CDH12: variants seen among roughly 807,000 people sequenced by gnomAD.
CDH12 encodes the protein cadherin 12, also known as cadherin-12.
A neutral mutation model predicts 74.1 loss-of-function variants in CDH12; 41 were observed. The ratio of observed to expected loss-of-function variants is 0.55; its 90% CI spans 0.43 to 0.72. CDH12 has a LOEUF of 0.72. Among genes scored for constraint, CDH12 ranks in the 30% least tolerant of loss-of-function variants. CDH12 has a pLI of 0.00. For missense variants in CDH12, 945 were observed against 977.2 expected (o/e 0.97, Z 0.44); for synonymous variants, 399 against 355.0 (o/e 1.12, Z -1.39).
rs1159244941 is a variant in CDH12, at chr5:22,853,319, C to T, written c.-784G>A. 6.6e-6 allele frequency: 1 copy of T among 152,098 alleles called. No homozygotes were observed. Among genetic ancestry groups the T allele is most frequent in the East Asian group, 1.9e-4 (1 of 5,156 alleles). The allele number at this position is 152,098 out of a possible 1,614,324, so 9.4% of individuals were successfully genotyped here. ...CCTGGACCCCTCTCTGTGGCTCCCT[C>T]CACATTTACCCTTCAGATCAATAAT... On this transcript the variant is annotated 5_prime_UTR_variant, in exon 1 of 15. It introduces an in-frame stop codon into an upstream open reading frame of the 5' UTR. Coordinates refer to ENST00000382254, the MANE Select transcript of CDH12 (RefSeq NM_004061.5).
intron 1 of CDH12, among the ~76,000 whole-genome samples, chr5:22,536,876 T>C (rs886814830): frequency 5.3e-5 from 8 of 152,224 alleles, no homozygotes; most frequent in African/African-American, 1.9e-4. Flanking sequence ...CTCCTTAGCT[T>C]TCTTTTTGTG....
intron 6 of CDH12, among the ~76,000 whole-genome samples, chr5:21,917,785 T>C (rs909670611): frequency 3.9e-5 from 6 of 152,202 alleles, no homozygotes; most frequent in Non-Finnish European, 7.3e-5. Flanking sequence ...TAGATAGTAA[T>C]GCAAATATTT....
At chr5:22,323,256 T>A (rs1738957115) in intron 3 of CDH12, among the ~76,000 whole-genome samples, 1 of 152,186 alleles carries the variant, frequency 6.6e-6, no homozygotes, top group South Asian at 2.1e-4. Context: ...AAAATTTGAC[T>A]GGATTGACTT....
intron 6 of CDH12, among the ~76,000 whole-genome samples, chr5:21,864,313 T>C (rs959947888): frequency 4.6e-5 from 7 of 152,258 alleles, no homozygotes; most frequent in East Asian, 1.9e-4. Context: ...GAAGATTGCA[T>C]GTGAGTCAGT....
At chr5:22,775,354 A>G (rs910430840) in intron 1 of CDH12, among the ~76,000 whole-genome samples, 3 of 152,092 alleles carry the variant, frequency 2.0e-5, no homozygotes, top group African/African-American at 7.2e-5. Flanking sequence ...AGTCCATAAC[A>G]TTACCTTAGG....
At chr5:22,122,651 T>C (rs978754380) in intron 4 of CDH12, among the ~76,000 whole-genome samples, 3 of 152,240 alleles carry the variant, frequency 2.0e-5, no homozygotes, top group Middle Eastern at 3.2e-3. Context: ...CTATGCTGGA[T>C]GTTTTTGTGA....
At chr5:21,975,555 ACTT>A (rs1451618614) in intron 5 of CDH12, among the ~76,000 whole-genome samples, 170 bp from the exon 6 acceptor site, 4 of 152,208 alleles carry the variant, frequency 2.6e-5, no homozygotes, top group African/African-American at 4.8e-5. Context: ...TATTTCTCCA[ACTT>A]CTTTTTATAA....
chr5:22,666,717 C>G (rs1740644063), intron 1 of CDH12, among the ~76,000 whole-genome samples: 1 of 152,144 alleles, frequency 6.6e-6, no homozygotes, highest in Non-Finnish European at 1.5e-5. Context: ...CAACAAACGC[C>G]ACCAAGGGTG....
At chr5:22,412,963 C>T (rs1743223857) in intron 2 of CDH12, among the ~76,000 whole-genome samples, 2 of 151,954 alleles carry the variant, frequency 1.3e-5, no homozygotes, top group South Asian at 2.1e-4. Flanking sequence ...AATAATCCTC[C>T]TTCCAGCCTA....
At chr5:22,649,995 T>C (rs1739648204) in intron 1 of CDH12, among the ~76,000 whole-genome samples, 1 of 152,022 alleles carries the variant, frequency 6.6e-6, no homozygotes, top group Non-Finnish European at 1.5e-5. Flanking sequence ...TTTGTGCACA[T>C]GTGCATGGGT....
intron 6 of CDH12, among the ~76,000 whole-genome samples, chr5:21,878,012 A>G (rs1752030316): frequency 6.6e-6 from 1 of 152,272 alleles, no homozygotes; most frequent in Non-Finnish European, 1.5e-5. Context: ...CGATGATGCC[A>G]CATGACTTTG....
intron 9 of CDH12, among the ~76,000 whole-genome samples, chr5:21,809,997 A>G (rs900047708): frequency 1.3e-5 from 2 of 152,114 alleles, no homozygotes; most frequent in African/African-American, 4.8e-5. Flanking sequence ...AGAATTCATG[A>G]AGATACTTAT....
At chr5:22,724,854 C>T (rs934883952) in intron 1 of CDH12, among the ~76,000 whole-genome samples, 1 of 151,580 alleles carries the variant, frequency 6.6e-6, no homozygotes, top group African/African-American at 2.4e-5. Context: ...TATCTTGTTA[C>T]TAAGTTAATA....
intron 1 of CDH12, among the ~76,000 whole-genome samples, chr5:22,810,905 ATGTGTGTGTG>A (rs113641421): frequency 6.8e-6 from 1 of 146,860 alleles, no homozygotes; most frequent in South Asian, 2.1e-4. Context: ...AAACAAATAT[ATGTGTGTGTG>A]TGTGTGTGTG....
chr5:22,409,050 T>G (rs1743070468), intron 2 of CDH12, among the ~76,000 whole-genome samples: 1 of 152,088 alleles, frequency 6.6e-6, no homozygotes, highest in African/African-American at 2.4e-5. Context: ...ATTATCTACA[T>G]ATACAGCAAA....
chr5:22,361,597 G>A (rs1165904043), intron 3 of CDH12, among the ~76,000 whole-genome samples: 8 of 151,592 alleles, frequency 5.3e-5, no homozygotes, highest in Non-Finnish European at 7.4e-5. Flanking sequence ...TTCATATGGA[G>A]CCAAAAAAGA....
At chr5:22,755,282 T>C (rs1278644048) in intron 1 of CDH12, among the ~76,000 whole-genome samples, 5 of 152,306 alleles carry the variant, frequency 3.3e-5, no homozygotes, top group African/African-American at 9.6e-5. Context: ...TTCACTACTT[T>C]TTATTCAAAA....
chr5:21,813,093 G>A (rs898477917), intron 9 of CDH12, among the ~76,000 whole-genome samples: 4 of 151,972 alleles, frequency 2.6e-5, no homozygotes, highest in South Asian at 2.1e-4. Context: ...TCTGTTTCCC[G>A]GTTTACTTCT....
At chr5:21,797,905 A>G (rs550545233) in intron 10 of CDH12, among the ~76,000 whole-genome samples, 2 of 152,272 alleles carry the variant, frequency 1.3e-5, no homozygotes, top group East Asian at 3.9e-4. Flanking sequence ...ATGTCTTCAA[A>G]ATACAACAAA....
Sources: allele counts gnomAD v4.1 joint callset (sites outside exome capture counted in the v4.1 genomes callset), GRCh38; gene constraint gnomAD v4.1.1; transcripts MANE v1.5; gene names NCBI Gene and HGNC (gene_info 2026-07-23, HGNC 2026-07-21).